PBRM1: variants seen among roughly 807,000 people sequenced by gnomAD.
The protein encoded by PBRM1 is protein polybromo-1.
A neutral mutation model predicts 194.5 loss-of-function variants in PBRM1; 27 were observed. The ratio of observed to expected loss-of-function variants is 0.14; its 90% CI spans 0.10 to 0.19. PBRM1 has a LOEUF of 0.19. Among genes scored for constraint, PBRM1 ranks in the 10% least tolerant of loss-of-function variants. The pLI is 1.00. For missense variants in PBRM1, 1,466 were observed against 2,077.2 expected, an observed-to-expected ratio of 0.71 and a Z score of 5.72; for synonymous variants, 655 against 693.2, an observed-to-expected ratio of 0.94 and a Z score of 0.87.
At chr3:52,637,418 G>C (rs901712052) in intron 10 of PBRM1, among the ~76,000 whole-genome samples, 1 of 152,122 alleles carries the variant, frequency 6.6e-6, no homozygotes, top group Admixed American at 6.5e-5. Context: ...GCCTGCCTGA[G>C]CTCAGGCGTT....
At chr3:52,683,315 A>G (rs1231302714), upstream of PBRM1, among the ~76,000 whole-genome samples, 1 of 151,894 alleles carries the variant, frequency 6.6e-6, no homozygotes, top group Non-Finnish European at 1.5e-5. Flanking sequence ...CAGAGGTTGC[A>G]GCAAGCCGAG....
intron 10 of PBRM1, among the ~76,000 whole-genome samples, chr3:52,636,269 G>C (rs567386788): frequency 9.9e-5 from 15 of 152,158 alleles, no homozygotes; most frequent in Middle Eastern, 3.4e-3. Context: ...CTTGCTGAGG[G>C]AATTTTTAGG....
At chr3:52,664,059 C>CAA (rs748042916) in intron 3 of PBRM1, among the ~76,000 whole-genome samples, 7 of 92,892 alleles carry the variant, frequency 7.5e-5, no homozygotes, top group Non-Finnish European at 9.0e-5. Context: ...GACTCCGTCT[C>CAA]AAAAAAAAAA....
intron 7 of PBRM1, among the ~76,000 whole-genome samples, chr3:52,645,308 A>C (rs2096257998): frequency 6.6e-6 from 1 of 151,262 alleles, no homozygotes; most frequent in Admixed American, 6.6e-5. Flanking sequence ...TGAATAGCAG[A>C]TTCATCTTTT....
chr3:52,594,721 T>C (rs2093404907), intron 17 of PBRM1, among the ~76,000 whole-genome samples: 1 of 152,200 alleles, frequency 6.6e-6, no homozygotes. Context: ...TCTTTCCTTT[T>C]CATATTTAGT....
chr3:52,656,894 T>A (rs2096617640), intron 5 of PBRM1, among the ~76,000 whole-genome samples: 1 of 151,094 alleles, frequency 6.6e-6, no homozygotes, highest in African/African-American at 2.4e-5. Flanking sequence ...CAAGACTCTA[T>A]CTCTAAACAA....
At chr3:52,562,697 C>T (rs2153507623) in intron 24 of PBRM1, among the ~76,000 whole-genome samples, 1 of 152,138 alleles carries the variant, frequency 6.6e-6, no homozygotes, top group East Asian at 1.9e-4. Flanking sequence ...GTGTGCATCA[C>T]CATGCCTAAT....
exon 22 of PBRM1, chr3:52,576,595 T>C: frequency 6.2e-7 from 1 of 1,611,358 alleles, no homozygotes; most frequent in Non-Finnish European, 8.5e-7. Flanking sequence ...AATACTTCTT[T>C]TTTGTAGAAC....
chr3:52,668,375 A>G lies in PBRM1; in HGVS notation c.384+123T>C, dbSNP rs894644638. ...TGTCCAGTCTCTTTACGAATAAGAC[A>G]AATGCGAACTCAAGCCACAAAAAGA... On this transcript the variant is annotated intron_variant, in intron 3 of 29. Transcript: ENST00000296302. The G allele has an allele frequency of 2.3e-5, 15 of 638,670 alleles. No individual in the cohort carries two copies. In the Admixed American group the frequency reaches 5.1e-4, roughly 22 times the overall value. 39.6% of individuals were successfully genotyped at this position (638,670 alleles called of 1,614,324 possible). A position where few individuals can be genotyped will look rare whatever the true frequency, so the allele number is the denominator to read the frequency against.
rs370360003 is a variant in PBRM1 at position 52,662,294 on chromosome 3, G to T, written c.385-18C>A. The T allele has an allele frequency of 8.2e-7, 1 of 1,215,532 alleles. No individual in the cohort carries two copies. 75.3% of individuals were successfully genotyped at this position (1,215,532 alleles called of 1,614,324 possible). A position where few individuals can be genotyped will look rare whatever the true frequency, so the allele number is the denominator to read the frequency against. On this transcript the variant is annotated intron_variant, in intron 3 of 29. Transcript: ENST00000296302. ...GAATCTGGCTGTATGTTAGCAAAGA[G>T]AAAAAAAAAAACACTTTAGTAATGT...
chr3:52,680,849 C>T (rs199756707), upstream of PBRM1, among the ~76,000 whole-genome samples: 2 of 151,758 alleles, frequency 1.3e-5, no homozygotes, highest in Non-Finnish European at 2.9e-5. Flanking sequence ...TTAGTAGAGA[C>T]GGGGTTTCAC....
In PBRM1 at chr3:52,550,666, G is replaced by A. The variant is rs776389911; in HGVS notation, c.4681-29C>T. The A allele has an allele frequency of 1.9e-6, 3 of 1,564,324 alleles. No individual in the cohort carries two copies. In the East Asian group the frequency reaches 6.8e-5, roughly 35 times the overall value. On this transcript the variant is annotated intron_variant, in intron 28 of 29. Coordinates refer to ENST00000296302, the Ensembl canonical transcript of PBRM1. ...AAAGAGCACAGGACCACATGGTGAG[G>A]CAAAAAGAGACTCTGCACATGTTCT...
chr3:52,682,840 G>A (rs889282277), upstream of PBRM1, among the ~76,000 whole-genome samples: 1 of 152,154 alleles, frequency 6.6e-6, no homozygotes, highest in African/African-American at 2.4e-5. Context: ...GCCGAGGCCA[G>A]TGCATCACTT....
chr3:52,667,539 G>T (rs1578075756), intron 3 of PBRM1, among the ~76,000 whole-genome samples: 3 of 152,112 alleles, frequency 2.0e-5, no homozygotes, highest in East Asian at 3.9e-4. Flanking sequence ...GATCACTTGA[G>T]GTCAGGAGTT....
At chr3:52,665,094 A>G (rs1182464965) in intron 3 of PBRM1, among the ~76,000 whole-genome samples, 1 of 152,192 alleles carries the variant, frequency 6.6e-6, no homozygotes, top group Non-Finnish European at 1.5e-5. Flanking sequence ...TCAATAGCAA[A>G]ATGGAATGAA....
At chr3:52,558,818 T>C (rs1420644354) in intron 25 of PBRM1, among the ~76,000 whole-genome samples, 1 of 152,212 alleles carries the variant, frequency 6.6e-6, no homozygotes, top group Non-Finnish European at 1.5e-5. Context: ...CCATGGCCCA[T>C]TATAATTTTT....
intron 21 of PBRM1, 34 bp from the exon 24 acceptor site, chr3:52,576,732 T>C: frequency 2.0e-6 from 3 of 1,517,072 alleles, no homozygotes; most frequent in Non-Finnish European, 2.7e-6. Context: ...TACATTAAAA[T>C]AGTTTCCTTC....
intron 17 of PBRM1, among the ~76,000 whole-genome samples, chr3:52,602,772 G>A (rs1334503023): frequency 6.6e-6 from 1 of 152,114 alleles, no homozygotes; most frequent in African/African-American, 2.4e-5. Flanking sequence ...GTTCTATGCT[G>A]GCAAAATTAC....
intron 2 of PBRM1, among the ~76,000 whole-genome samples, chr3:52,672,773 C>T (rs2096979424): frequency 6.6e-6 from 1 of 152,020 alleles, no homozygotes; most frequent in African/African-American, 2.4e-5. Context: ...GGATTACAGG[C>T]ATGAGCCACC....
Sources: allele counts gnomAD v4.1 joint callset (sites outside exome capture counted in the v4.1 genomes callset), GRCh38; gene constraint gnomAD v4.1.1; transcripts MANE v1.5; gene names NCBI Gene and HGNC (gene_info 2026-07-23, HGNC 2026-07-21).